Variants in DPP10 observed in about 807,000 individuals in gnomAD.
The protein encoded by DPP10 is inactive dipeptidyl peptidase 10.
DPP10 carries 33 observed loss-of-function variants against 120.9 expected under a neutral mutation model. The ratio of observed to expected loss-of-function variants is 0.27; its 90% CI spans 0.21 to 0.37. The LOEUF is 0.37. Ranked by LOEUF, DPP10 falls within the 10% of genes least tolerant of loss-of-function variation. DPP10 has a pLI of 1.00. For missense variants in DPP10, 816 were observed against 942.8 expected (o/e 0.87, Z 1.76); for synonymous variants, 337 against 326.1 (o/e 1.03, Z -0.36).
intron 1 of DPP10, among the ~76,000 whole-genome samples, chr2:115,008,411 T>C (rs62164474): frequency 2.5e-3 from 259 of 102,618 alleles, no homozygotes; most frequent in Non-Finnish European, 3.6e-3. Context: ...TCCTTACACC[T>C]TATACAAAAA....
intron 19 of DPP10, among the ~76,000 whole-genome samples, chr2:115,802,239 C>T (rs1048490277): frequency 2.0e-5 from 3 of 152,152 alleles, no homozygotes; most frequent in African/African-American, 7.2e-5. Flanking sequence ...TTATAGTATT[C>T]TCTGACGGTA....
chr2:114,862,383 G>C (rs1194621659), intron 1 of DPP10, among the ~76,000 whole-genome samples: 1 of 152,048 alleles, frequency 6.6e-6, no homozygotes, highest in African/African-American at 2.4e-5. Context: ...TCCTTCCAAT[G>C]TTAGAACAGT....
chr2:115,250,473 T>A (rs185008605), intron 1 of DPP10, among the ~76,000 whole-genome samples: 82 of 152,154 alleles, frequency 5.4e-4, no homozygotes, highest in Non-Finnish European at 1.2e-4. Flanking sequence ...GAGAGAAGAT[T>A]GGAAGAGAAA....
In DPP10 at chr2:115,779,854, A is replaced by G. The variant is rs756447844; in HGVS notation, c.1362-1020A>G. Reference sequence around the variant, plus strand: ...GAAACTAATATGATTTGTGCTTGGTATATATTGTTTTGAGTATTATAAGGA... The same window carrying G: ...GAAACTAATATGATTTGTGCTTGGTGTATATTGTTTTGAGTATTATAAGGA... On this transcript the variant is annotated intron_variant, in intron 15 of 25. Coordinates refer to ENST00000410059, the MANE Select transcript of DPP10 (RefSeq NM_020868.6). Among the ~76,000 whole-genome samples the G allele has an allele frequency of 5.9e-5, 9 of 152,122 alleles. No homozygotes were observed. In the East Asian group the frequency reaches 1.4e-3, roughly 23 times the overall value.
At chr2:114,799,439 A>G (rs995315906) in intron 1 of DPP10, among the ~76,000 whole-genome samples, 7 of 152,352 alleles carry the variant, frequency 4.6e-5, no homozygotes, top group South Asian at 2.1e-4. Context: ...TACAGTATTT[A>G]GACTAAACAG....
chr2:115,695,568 T>A (rs2091540289), intron 7 of DPP10, among the ~76,000 whole-genome samples: 1 of 152,066 alleles, frequency 6.6e-6, no homozygotes, highest in African/African-American at 2.4e-5. Flanking sequence ...TTCACTATCA[T>A]GAGAACAGCT....
At chr2:114,961,845 T>C (rs1698662806) in intron 1 of DPP10, among the ~76,000 whole-genome samples, 1 of 151,956 alleles carries the variant, frequency 6.6e-6, no homozygotes, top group Middle Eastern at 3.2e-3. Context: ...TCCCAGCTAC[T>C]AGGGAGGCTG....
chr2:114,643,343 A>G (rs1276175402), intron 1 of DPP10, among the ~76,000 whole-genome samples: 2 of 151,900 alleles, frequency 1.3e-5, no homozygotes, highest in Non-Finnish European at 2.9e-5. Flanking sequence ...CCGTGAAGCA[A>G]TGCCGCCTGG....
chr2:115,452,386 ACT>A (rs1233055267), intron 3 of DPP10, among the ~76,000 whole-genome samples: 1 of 151,856 alleles, frequency 6.6e-6, no homozygotes, highest in Non-Finnish European at 1.5e-5. Flanking sequence ...TGGCTCCCAC[ACT>A]CTCTAATTCC....
chr2:114,985,347 C>T (rs925319842), intron 1 of DPP10, among the ~76,000 whole-genome samples: 1 of 152,146 alleles, frequency 6.6e-6, no homozygotes, highest in African/African-American at 2.4e-5. Context: ...AAACAGGGCT[C>T]CTTATTTATT....
At chr2:115,161,698 G>A in intron 1 of DPP10, 1 of 370,802 alleles carries the variant, frequency 2.7e-6, no homozygotes. Flanking sequence ...TCGCCGCCGC[G>A]GCTCGCTGCG....
chr2:115,414,896 GTA>G (rs2069250738), intron 3 of DPP10, among the ~76,000 whole-genome samples: 1 of 118,840 alleles, frequency 8.4e-6, no homozygotes, highest in Non-Finnish European at 1.8e-5. Context: ...TGGAAGGTAA[GTA>G]AGCACTACTG....
chr2:114,855,245 T>C (rs1265611628), intron 1 of DPP10, among the ~76,000 whole-genome samples: 1 of 152,178 alleles, frequency 6.6e-6, no homozygotes, highest in African/African-American at 2.4e-5. Flanking sequence ...CCAAGCTCAT[T>C]TGACATAAGG....
intron 17 of DPP10, among the ~76,000 whole-genome samples, chr2:115,782,883 A>G (rs1682935030): frequency 6.6e-6 from 1 of 151,954 alleles, no homozygotes; most frequent in Admixed American, 6.6e-5. Flanking sequence ...TCATTTGTAT[A>G]TTTGTTAGGT....
At chr2:115,569,496 G>A (rs139785532) in intron 5 of DPP10, among the ~76,000 whole-genome samples, 5 of 152,128 alleles carry the variant, frequency 3.3e-5, no homozygotes, top group Non-Finnish European at 7.3e-5. Context: ...CTTGGTAGAA[G>A]GACAAGAATT....
intron 1 of DPP10, among the ~76,000 whole-genome samples, chr2:114,448,458 T>C (rs1352442567): frequency 6.6e-6 from 1 of 152,114 alleles, no homozygotes; most frequent in Non-Finnish European, 1.5e-5. Context: ...AGCATGGACG[T>C]AGTAAGCTAA....
At chr2:115,248,074 A>G (rs1225519142) in intron 1 of DPP10, among the ~76,000 whole-genome samples, 2 of 152,160 alleles carry the variant, frequency 1.3e-5, no homozygotes, top group Non-Finnish European at 2.9e-5. Context: ...AGGTGGAAAT[A>G]TGCCTCCCTC....
intron 1 of DPP10, among the ~76,000 whole-genome samples, chr2:115,197,434 T>A (rs2055365249): frequency 1.3e-5 from 2 of 151,422 alleles, no homozygotes; most frequent in Non-Finnish European, 1.5e-5. Context: ...GAGAATGGAA[T>A]AACTGGAGTT....
At chr2:115,491,552 G>A (rs552290523) in intron 3 of DPP10, among the ~76,000 whole-genome samples, 1 of 152,166 alleles carries the variant, frequency 6.6e-6, no homozygotes, top group South Asian at 2.1e-4. Context: ...TGGGAGGAGA[G>A]GAGATTATCT....
Sources: gnomAD v4.1 joint callset for allele counts (sites outside exome capture counted in the v4.1 genomes callset) on GRCh38, gnomAD v4.1.1 for gene constraint, MANE v1.5 for transcripts, NCBI Gene and HGNC (gene_info 2026-07-23, HGNC 2026-07-21) for gene names.